VAMP7: variants seen among roughly 807,000 people sequenced by gnomAD.
The protein encoded by VAMP7 is vesicle associated membrane protein 7.
In VAMP7, 14 loss-of-function variants were observed where a neutral mutation model predicts 29.6. The ratio of observed to expected loss-of-function variants is 0.47; its 90% CI spans 0.31 to 0.74. VAMP7 has a LOEUF of 0.74. Ranked by LOEUF, VAMP7 falls within the 30% of genes least tolerant of loss-of-function variation. The pLI is 0.05. For synonymous variants in VAMP7, 95 were observed against 88.1 expected (o/e 1.08, Z -0.44); for missense variants, 223 against 262.4 (o/e 0.85, Z 1.04).
chrX:155,906,764 A>G (rs2066153534), intron 5 of VAMP7, among the ~76,000 whole-genome samples: 1 of 152,180 alleles, frequency 6.6e-6, no homozygotes, highest in Non-Finnish European at 1.5e-5. Flanking sequence ...AAATAGAGAT[A>G]GTTTTAATTC....
At chrX:155,920,552 T>C (rs961525723) in intron 6 of VAMP7, among the ~76,000 whole-genome samples, 1 of 152,100 alleles carries the variant, frequency 6.6e-6, no homozygotes, top group Non-Finnish European at 1.5e-5. Context: ...AAGAAAACAG[T>C]GATTGATTAT....
intron 5 of VAMP7, among the ~76,000 whole-genome samples, chrX:155,907,413 C>CA (rs1480571426): frequency 6.6e-6 from 1 of 151,802 alleles, no homozygotes. Flanking sequence ...AGGCAGAGGA[C>CA]CCTGCGGCCT....
intron 6 of VAMP7, among the ~76,000 whole-genome samples, chrX:155,934,895 G>C (rs1458784995): frequency 6.6e-6 from 1 of 151,964 alleles, no homozygotes; most frequent in African/African-American, 2.4e-5. Flanking sequence ...AGGCAGGCCT[G>C]GTGGTGACAA....
intron 5 of VAMP7, among the ~76,000 whole-genome samples, chrX:155,900,933 T>C (rs780804012): frequency 1.4e-4 from 22 of 152,190 alleles, no homozygotes; most frequent in Non-Finnish European, 2.9e-4. Flanking sequence ...TTTGGACGCA[T>C]AGGTTCTTTA....
chrX:155,915,053 G>C (rs766940533), intron 5 of VAMP7, among the ~76,000 whole-genome samples: 2 of 152,094 alleles, frequency 1.3e-5, no homozygotes, highest in Admixed American at 1.3e-4. Context: ...TGTTATTGTT[G>C]TATTCAGGGA....
intron 1 of VAMP7, among the ~76,000 whole-genome samples, chrX:155,882,981 T>G (rs2065821964): frequency 6.6e-6 from 1 of 152,210 alleles, no homozygotes; most frequent in Non-Finnish European, 1.5e-5. Context: ...CACAAAACAT[T>G]AAGACATTTC....
At chrX:155,916,560 A>G (rs1219314673) in intron 5 of VAMP7, among the ~76,000 whole-genome samples, 17 of 152,178 alleles carry the variant, frequency 1.1e-4, no homozygotes, top group Non-Finnish European at 2.9e-5. Context: ...GGTGGTGACA[A>G]AATCTCTCAG....
chrX:155,898,282 T>C (rs1239041264), intron 4 of VAMP7, 33 bp downstream of exon 4: 1 of 1,607,392 alleles, frequency 6.2e-7, no homozygotes, highest in Non-Finnish European at 8.5e-7. Flanking sequence ...GTATTTTGAT[T>C]TATATCTTCT....
At chrX:155,901,569 C>T (rs1272993838) in intron 5 of VAMP7, among the ~76,000 whole-genome samples, 2 of 152,030 alleles carry the variant, frequency 1.3e-5, no homozygotes, top group Non-Finnish European at 2.9e-5. Flanking sequence ...GGAAGGGATC[C>T]AGTTTCAGCT....
intron 5 of VAMP7, among the ~76,000 whole-genome samples, chrX:155,914,323 T>A (rs181633734): frequency 1.5e-3 from 235 of 152,316 alleles, no homozygotes; most frequent in African/African-American, 5.4e-3. Context: ...ACAATTTGAC[T>A]TCCTCTCTTC....
At position 155,918,670 on chromosome X, in the gene VAMP7, G is replaced by A. The variant is rs1042079052; in HGVS notation, c.434-1143G>A. Among the ~76,000 whole-genome samples, 46 of 152,196 alleles carry A rather than the reference G, an allele frequency of 3.0e-4. 1 individual carries two copies. The highest frequency in any genetic ancestry group is 3.4e-3 in the Middle Eastern group (1 of 294). On this transcript the variant is annotated intron_variant, in intron 5 of 7. Transcript: ENST00000286448. ...CTAACCAGTCCCAATGAGATGAGCCGGGTACCTCAGTTGGAAATGCAGAAA... is the reference window on the plus strand; with the variant it reads ...CTAACCAGTCCCAATGAGATGAGCCAGGTACCTCAGTTGGAAATGCAGAAA...
intron 2 of VAMP7, 92 bp from the exon 3 acceptor site, chrX:155,895,531 C>A: frequency 1.2e-6 from 1 of 827,352 alleles, no homozygotes. Flanking sequence ...GTGACATTGG[C>A]AGTACTGAAC....
At chrX:155,898,329 G>C in intron 4 of VAMP7, 80 bp downstream of exon 4, 4 of 1,514,406 alleles carry the variant, frequency 2.6e-6, no homozygotes, top group Non-Finnish European at 3.6e-6. Context: ...AGGGGGCCCT[G>C]ACCTGCAATA....
At position 155,941,037 on chromosome X, in the gene VAMP7, A is replaced by G. The variant is rs1427236034; in HGVS notation, c.595-846A>G. ...AATTTAAAGCAAAATAAAGCCAGGC[A>G]TAGGGGCTTATGCCTGTAATCCCAG... On this transcript the variant is annotated intron_variant, in intron 7 of 7. Coordinates refer to ENST00000286448, the MANE Select transcript of VAMP7 (RefSeq NM_005638.6). Among the ~76,000 whole-genome samples the G allele has an allele frequency of 2.6e-5, 4 of 152,188 alleles. No individual in the cohort carries two copies. The East Asian group carries it at 5.8e-4, about 22-fold the overall frequency.
intron 2 of VAMP7, among the ~76,000 whole-genome samples, chrX:155,893,398 G>T (rs1298135838): frequency 2.6e-5 from 4 of 152,052 alleles, no homozygotes; most frequent in Non-Finnish European, 5.9e-5. Context: ...TGCCCTCCAG[G>T]GAGTAAGTAA....
intron 5 of VAMP7, among the ~76,000 whole-genome samples, chrX:155,910,229 A>G (rs1027689803): frequency 6.6e-6 from 1 of 152,174 alleles, no homozygotes; most frequent in African/African-American, 2.4e-5. Flanking sequence ...TGCCTGCCTT[A>G]TATCACTTAA....
rs374886172 is a variant in VAMP7, at chrX:155,931,389, T to G, written c.502-8312T>G. ...CAGCACCTGTTGTTTCCTGACTTTT[T>G]AATGATCGCCATTCTAACTGGTGTG... is the stretch of plus-strand genomic sequence containing the variant. On this transcript the variant is annotated intron_variant, in intron 6 of 7. Transcript: ENST00000286448. 7.8e-4 allele frequency among the ~76,000 whole-genome samples: 119 copies of G among 152,308 alleles called. 3 individuals are homozygous for G. In the East Asian group the frequency reaches 0.023, roughly 29 times the overall value.
intron 7 of VAMP7, among the ~76,000 whole-genome samples, chrX:155,941,274 A>T (rs2066739121): frequency 1.3e-5 from 2 of 152,178 alleles, no homozygotes; most frequent in South Asian, 4.1e-4. Context: ...TTAAAATTAT[A>T]ATCTAGAATT....
chrX:155,896,260 A>T (rs1177987244), intron 3 of VAMP7, among the ~76,000 whole-genome samples: 2 of 152,166 alleles, frequency 1.3e-5, no homozygotes, highest in Non-Finnish European at 2.9e-5. Flanking sequence ...TTCTATATTT[A>T]TTCTATTTTG....
Sources: allele counts gnomAD v4.1 joint callset (sites outside exome capture counted in the v4.1 genomes callset), GRCh38; gene constraint gnomAD v4.1.1; transcripts MANE v1.5; gene names NCBI Gene and HGNC (gene_info 2026-07-23, HGNC 2026-07-21).